PRICKLE1: variants seen among roughly 807,000 people sequenced by gnomAD.
PRICKLE1 encodes the protein prickle planar cell polarity protein 1.
In PRICKLE1, 14 loss-of-function variants were observed where a neutral mutation model predicts 70.2. The observed-to-expected ratio is 0.20, with a 90% confidence interval of 0.13 to 0.31. The LOEUF is 0.31. Among genes scored for constraint, PRICKLE1 ranks in the 10% least tolerant of loss-of-function variants. The pLI, the probability that PRICKLE1 is intolerant of heterozygous loss-of-function variation, is 1.00. For synonymous variants in PRICKLE1, 357 were observed against 379.9 expected, an observed-to-expected ratio of 0.94 and a Z score of 0.70; for missense variants, 821 against 1,026.2, an observed-to-expected ratio of 0.80 and a Z score of 2.73.
intron 1 of PRICKLE1, among the ~76,000 whole-genome samples, chr12:42,511,890 G>A (rs1043380834): frequency 3.3e-5 from 5 of 152,174 alleles, no homozygotes; most frequent in African/African-American, 1.2e-4. Flanking sequence ...CAAGGAAACA[G>A]TCTCCCATTA....
chr12:42,493,037 AT>A (rs974758624), intron 1 of PRICKLE1, among the ~76,000 whole-genome samples: 69 of 151,622 alleles, frequency 4.6e-4, no homozygotes, highest in African/African-American at 1.6e-3. Flanking sequence ...CCATTTATTT[AT>A]TTTTTTTTAA....
chr12:42,541,317 A>C (rs1031461203), intron 1 of PRICKLE1, among the ~76,000 whole-genome samples: 1 of 151,854 alleles, frequency 6.6e-6, no homozygotes, highest in Non-Finnish European at 1.5e-5. Context: ...CTATGCAAAA[A>C]TCATGCCAAC....
At chr12:42,527,976 C>A (rs1939844167) in intron 1 of PRICKLE1, among the ~76,000 whole-genome samples, 13 of 89,024 alleles carry the variant, frequency 1.5e-4, no homozygotes, top group East Asian at 6.4e-4. Context: ...TATATATCTC[C>A]AAAGTTTTAT....
rs186449654 is a variant in PRICKLE1, at chr12:42,542,747, A to G, written c.-49+46718T>C. On this transcript the variant is annotated intron_variant, in intron 1 of 7. Transcript: ENST00000345127. Reference sequence around the variant, plus strand: ...CCTAACCAGGATCCAATAAGGTTGTATTTTGCATTTTGCAGGACAGTTGTC... The same window carrying G: ...CCTAACCAGGATCCAATAAGGTTGTGTTTTGCATTTTGCAGGACAGTTGTC... Among the ~76,000 whole-genome samples, 54 of 152,328 alleles carry G rather than the reference A, an allele frequency of 3.5e-4. No individual in the cohort carries two copies. The East Asian group carries it at 9.6e-3, about 27-fold the overall frequency.
chr12:42,560,514 TA>T (rs1940493090), intron 1 of PRICKLE1, among the ~76,000 whole-genome samples: 3 of 151,850 alleles, frequency 2.0e-5, no homozygotes, highest in Admixed American at 2.0e-4. Flanking sequence ...GACTATTTGT[TA>T]GACAGGGTGG....
At chr12:42,548,516 A>G (rs1940251363) in intron 1 of PRICKLE1, among the ~76,000 whole-genome samples, 1 of 152,248 alleles carries the variant, frequency 6.6e-6, no homozygotes, top group Non-Finnish European at 1.5e-5. Context: ...GGTTGAAGGC[A>G]TCTATGCACA....
At chr12:42,564,468 C>T (rs993155773) in intron 1 of PRICKLE1, among the ~76,000 whole-genome samples, 9 of 149,900 alleles carry the variant, frequency 6.0e-5, no homozygotes, top group South Asian at 4.3e-4. Flanking sequence ...ATTGGTCAGG[C>T]GTGGTGGCGG....
Position 42,584,154 on chromosome 12 carries a change from C to T in PRICKLE1, c.-49+5311G>A, listed in dbSNP as rs182533247. ...AATTATGTGCTGATTCCCCTCTATC[C>T]CCCATTTTAAGAATATTCTTATTGA... On this transcript the variant is annotated intron_variant, in intron 1 of 7. Transcript: ENST00000345127. Among the ~76,000 whole-genome samples, 76 of 152,158 alleles carry T rather than the reference C, an allele frequency of 5.0e-4. No homozygotes were observed. In the Middle Eastern group the frequency reaches 0.02, roughly 41 times the overall value.
chr12:42,485,242 T>G (rs916566974), intron 1 of PRICKLE1: 2 of 8,914 alleles, frequency 2.2e-4, no homozygotes, highest in African/African-American at 7.7e-4. Flanking sequence ...CTGAGAAGTT[T>G]TTTTTTTTTT....
At chr12:42,482,222 T>C (rs183065037) in intron 1 of PRICKLE1, among the ~76,000 whole-genome samples, 1 of 152,324 alleles carries the variant, frequency 6.6e-6, no homozygotes, top group East Asian at 1.9e-4. Flanking sequence ...TCTAATTTCA[T>C]GCACAAGTAC....
At chr12:42,465,709 T>A (rs1225516013) in intron 6 of PRICKLE1, 2 of 266,538 alleles carry the variant, frequency 7.5e-6, no homozygotes, top group Non-Finnish European at 1.4e-5. Flanking sequence ...GTCATGTTGC[T>A]AAGGGCAAGA....
At chr12:42,564,384 A>C (rs999138330) in intron 1 of PRICKLE1, among the ~76,000 whole-genome samples, 3 of 152,114 alleles carry the variant, frequency 2.0e-5, no homozygotes, top group African/African-American at 7.2e-5. Flanking sequence ...AGGCAGGCGG[A>C]TCACCTGAGG....
intron 1 of PRICKLE1, among the ~76,000 whole-genome samples, chr12:42,475,275 T>C (rs755700055): frequency 7.2e-5 from 11 of 152,252 alleles, no homozygotes; most frequent in Admixed American, 6.5e-5. Flanking sequence ...CATGGCTTTC[T>C]GTTTCATTTT....
chr12:42,480,649 G>T lies in PRICKLE1; in HGVS notation c.-48-8085C>A, dbSNP rs895696162. ...ATAGCTAAGGATTATTATCTTGATT[G>T]ACCTTGACATATACATAAATGAGCC... On this transcript the variant is annotated intron_variant, in intron 1 of 7. Transcript: ENST00000345127. Among the ~76,000 whole-genome samples, 3 of 152,248 alleles carry T rather than the reference G, an allele frequency of 2.0e-5. No homozygotes were observed. In the East Asian group the frequency reaches 5.8e-4, roughly 29 times the overall value.
intron 1 of PRICKLE1, among the ~76,000 whole-genome samples, chr12:42,556,993 T>G (rs1403140929): frequency 2.1e-5 from 3 of 145,820 alleles, no homozygotes; most frequent in Non-Finnish European, 4.5e-5. Context: ...AAATTTCTGT[T>G]TTTTTTTTTT....
chr12:42,457,445 C>CA lies in PRICKLE1; in HGVS notation c.*2363dup, dbSNP rs1174308271. ...GCAGCACAGGTTCTGAAAATTTCTT[C>CA]AAAATCAAGAAATCTGCTAATACAT... On this transcript the variant is annotated 3_prime_UTR_variant, in exon 8 of 8. Transcript: ENST00000345127. The CA allele has an allele frequency of 6.6e-6, 1 of 152,166 alleles. No homozygotes were observed. The highest frequency in any genetic ancestry group is 1.9e-4 in the East Asian group (1 of 5,196). The allele number at this position is 152,166 out of a possible 1,614,324, so 9.4% of individuals were successfully genotyped here.
intron 1 of PRICKLE1, among the ~76,000 whole-genome samples, chr12:42,527,630 A>G (rs796686089): frequency 5.2e-4 from 79 of 152,292 alleles, no homozygotes; most frequent in African/African-American, 1.8e-3. Context: ...CAGAGAGGGT[A>G]CTTAACAAAT....
chr12:42,499,426 A>G (rs1424311664), intron 1 of PRICKLE1, among the ~76,000 whole-genome samples: 2 of 145,938 alleles, frequency 1.4e-5, no homozygotes, highest in Non-Finnish European at 3.0e-5. Context: ...ATAAATCTAG[A>G]ATTTTTTTTT....
In PRICKLE1 at chr12:42,472,397, C is replaced by G; in HGVS notation, c.120G>C (p.Leu40=). The G allele has an allele frequency of 1.2e-6, 2 of 1,614,190 alleles. No homozygotes were observed. Among genetic ancestry groups the G allele is most frequent in the Non-Finnish European group, 1.7e-6 (2 of 1,180,042 alleles). The change falls in exon 2 of 8, where the codon CTG becomes CTC. Residue 40 remains leucine (L), a synonymous_variant. Coordinates refer to ENST00000345127, the MANE Select transcript of PRICKLE1 (RefSeq NM_153026.3). The part of the protein sequence containing the change: ...LEEYAWVPPG[L]RPEQIQLYFA... ...ATGAAGTTCCTACCTGCTCTGGTCT[C>G]AGGCCCGGGGGGACCCAGGCGTACT...
Sources: gnomAD v4.1 joint callset for allele counts (sites outside exome capture counted in the v4.1 genomes callset) on GRCh38, gnomAD v4.1.1 for gene constraint, MANE v1.5 for transcripts, NCBI Gene and HGNC (gene_info 2026-07-23, HGNC 2026-07-21) for gene names.